The following MAGI2 variants were observed in gnomAD, a reference collection of about 807,000 sequenced individuals.
MAGI2 encodes the protein membrane associated guanylate kinase, WW and PDZ domain containing 2, also known as membrane-associated guanylate kinase, WW and PDZ domain-containing protein 2.
Under a neutral mutation model 133.3 loss-of-function variants are expected in MAGI2, and 35 were observed. That is an observed-to-expected ratio of 0.26 (90% CI 0.20 to 0.35). The LOEUF is 0.35. MAGI2 is among the 10% of genes least tolerant of loss of function. MAGI2 has a pLI of 1.00. For synonymous variants in MAGI2, 729 were observed against 710.6 expected, an observed-to-expected ratio of 1.03 and a Z score of -0.41; for missense variants, 1,636 against 1,863.4, an observed-to-expected ratio of 0.88 and a Z score of 2.25.
At chr7:78,078,858 G>T in intron 21 of MAGI2, 89 bp downstream of exon 21, 1 of 1,447,160 alleles carries the variant, frequency 6.9e-7, no homozygotes, top group Non-Finnish European at 9.7e-7. Context: ...AGGTAGAAGT[G>T]GAGAACTGAT....
chr7:78,736,352 T>C (rs1335015593), intron 2 of MAGI2, among the ~76,000 whole-genome samples: 1 of 152,196 alleles, frequency 6.6e-6, no homozygotes, highest in Non-Finnish European at 1.5e-5. Context: ...TTAGCGACGC[T>C]CTGCCTGAAG....
At chr7:78,094,231 T>G (rs1817504447) in intron 20 of MAGI2, among the ~76,000 whole-genome samples, 1 of 152,226 alleles carries the variant, frequency 6.6e-6, no homozygotes, top group Non-Finnish European at 1.5e-5. Context: ...GTCCACTTCA[T>G]GATGCTTCCT....
At chr7:78,881,668 T>A (rs1393895670) in intron 2 of MAGI2, among the ~76,000 whole-genome samples, 1 of 152,056 alleles carries the variant, frequency 6.6e-6, no homozygotes, top group African/African-American at 2.4e-5. Context: ...CACACAATTA[T>A]GTGGAAATTA....
intron 1 of MAGI2, among the ~76,000 whole-genome samples, chr7:79,228,925 C>T (rs1831117310): frequency 6.6e-6 from 1 of 152,126 alleles, no homozygotes; most frequent in Non-Finnish European, 1.5e-5. Flanking sequence ...GCTTTGTCTA[C>T]CCAACACCAG....
chr7:79,437,965 T>C (rs1376481737), intron 1 of MAGI2, among the ~76,000 whole-genome samples: 2 of 152,160 alleles, frequency 1.3e-5, no homozygotes, highest in East Asian at 1.9e-4. Flanking sequence ...CCTCTTCCCC[T>C]ATTAGAAATA....
chr7:79,382,132 T>C (rs534298573), intron 1 of MAGI2, among the ~76,000 whole-genome samples: 1 of 151,756 alleles, frequency 6.6e-6, no homozygotes, highest in East Asian at 1.9e-4. Context: ...AAGTCTTGAA[T>C]CTAAATCTTA....
chr7:78,719,231 C>T (rs920989136), intron 2 of MAGI2, among the ~76,000 whole-genome samples: 1 of 152,096 alleles, frequency 6.6e-6, no homozygotes, highest in African/African-American at 2.4e-5. Context: ...ACATGCTGTT[C>T]CAATCAATTT....
chr7:78,694,353 A>C (rs1817277274), intron 2 of MAGI2, among the ~76,000 whole-genome samples: 2 of 152,216 alleles, frequency 1.3e-5, no homozygotes, highest in Non-Finnish European at 2.9e-5. Flanking sequence ...TTCATCTTTT[A>C]AACCAGGTGG....
chr7:79,410,181 C>G (rs1207083457), intron 1 of MAGI2: 1 of 152,006 alleles, frequency 6.6e-6, no homozygotes, highest in Admixed American at 6.6e-5. Context: ...TGTTTTCCAC[C>G]AATTTTGATG....
chr7:78,029,238 G>T (rs1403393891), intron 21 of MAGI2, among the ~76,000 whole-genome samples: 1 of 152,138 alleles, frequency 6.6e-6, no homozygotes, highest in Non-Finnish European at 1.5e-5. Flanking sequence ...AGGAAACTCA[G>T]GTCTATTTTC....
At chr7:78,720,352 G>C (rs1820143337) in intron 2 of MAGI2, among the ~76,000 whole-genome samples, 1 of 152,036 alleles carries the variant, frequency 6.6e-6, no homozygotes, top group Non-Finnish European at 1.5e-5. Flanking sequence ...ATACACCTAT[G>C]AGATTCAAAC....
At chr7:78,464,901 A>C (rs1292458801) in intron 6 of MAGI2, among the ~76,000 whole-genome samples, 1 of 152,164 alleles carries the variant, frequency 6.6e-6, no homozygotes, top group Non-Finnish European at 1.5e-5. Context: ...TTAGTCTAAG[A>C]ATATTAATAC....
intron 2 of MAGI2, among the ~76,000 whole-genome samples, chr7:78,887,771 G>A (rs531217416): frequency 5.9e-5 from 9 of 152,292 alleles, no homozygotes; most frequent in Admixed American, 5.2e-4. Flanking sequence ...GGCCGAATAC[G>A]AACAGCACCA....
chr7:78,397,367 A>ACACACT (rs1796444399), intron 6 of MAGI2, among the ~76,000 whole-genome samples: 1 of 4,832 alleles, frequency 2.1e-4, no homozygotes, highest in Admixed American at 3.0e-3. Context: ...TGAAATTCCT[A>ACACACT]CACACACACA....
Position 78,154,329 on chromosome 7 carries a change from A to G in MAGI2, c.2845+5696T>C, listed in dbSNP as rs118006349. On this transcript the variant is annotated intron_variant, in intron 16 of 21. Transcript: ENST00000354212. ...GTCCAAACTTCAACCCATGCTGGAG[A>G]AAGCACACATGTGGAAACAAAGATT... 3.0e-4 allele frequency among the ~76,000 whole-genome samples: 46 copies of G among 152,352 alleles called. No homozygotes were observed. The East Asian group carries it at 8.5e-3, about 28-fold the overall frequency.
chr7:78,254,486 G>A (rs1179628621), intron 10 of MAGI2: 1 of 152,176 alleles, frequency 6.6e-6, no homozygotes, highest in African/African-American at 2.4e-5. Context: ...ATTTAATTAT[G>A]AGAATTCAAG....
chr7:78,609,648 A>C (rs895629802), intron 3 of MAGI2, among the ~76,000 whole-genome samples: 2 of 151,868 alleles, frequency 1.3e-5, no homozygotes, highest in African/African-American at 4.8e-5. Context: ...TCTACTACCC[A>C]CCCAAACCTT....
chr7:78,573,533 G>A (rs866458505), intron 3 of MAGI2, among the ~76,000 whole-genome samples: 4 of 144,976 alleles, frequency 2.8e-5, no homozygotes, highest in South Asian at 2.2e-4. Flanking sequence ...GCAGCCTTTC[G>A]GGTCGCTTGA....
intron 1 of MAGI2, among the ~76,000 whole-genome samples, chr7:79,284,911 T>C (rs948053772): frequency 6.6e-6 from 1 of 152,054 alleles, no homozygotes; most frequent in African/African-American, 2.4e-5. Context: ...CCTAGAGGAT[T>C]CTAATATACA....
Sources: gnomAD v4.1 joint callset for allele counts (sites outside exome capture counted in the v4.1 genomes callset) on GRCh38, gnomAD v4.1.1 for gene constraint, MANE v1.5 for transcripts, NCBI Gene and HGNC (gene_info 2026-07-23, HGNC 2026-07-21) for gene names.